Variants in ZMAT5 observed in about 807,000 individuals in gnomAD.
ZMAT5 encodes zinc finger matrin-type 5, also known as zinc finger matrin-type protein 5.
Under a neutral mutation model 28.0 loss-of-function variants are expected in ZMAT5, and 23 were observed. That is an observed-to-expected ratio of 0.82 (90% CI 0.59 to 1.16). The LOEUF is 1.16. Among genes scored for constraint, ZMAT5 ranks in the 50% most tolerant of loss-of-function variants. ZMAT5 has a pLI of 0.00. For missense variants in ZMAT5, 173 were observed against 212.7 expected (o/e 0.81, Z 1.16); for synonymous variants, 76 against 84.1 (o/e 0.90, Z 0.52).
intron 1 of ZMAT5, among the ~76,000 whole-genome samples, chr22:29,756,077 G>A (rs546958943): frequency 1.3e-5 from 2 of 152,400 alleles, no homozygotes; most frequent in East Asian, 3.9e-4. Context: ...CAACAGCTCG[G>A]CCTTTGGCCA....
At position 29,742,485 on chromosome 22, in the gene ZMAT5, G is replaced by A. The variant is rs767312637; in HGVS notation, c.128-5C>T. ...CCAGCAAGATGGCAGCTGCATCTGC[G>A]AGAGAAGAGAGGGACGGGATTCGGA... On this transcript the variant is annotated splice_region_variant and splice_polypyrimidine_tract_variant and intron_variant, in intron 2 of 5. Coordinates refer to ENST00000344318, the MANE Select transcript of ZMAT5 (RefSeq NM_001003692.2). 3.7e-6 allele frequency: 6 copies of A among 1,612,040 alleles called. No individual in the cohort carries two copies. Among genetic ancestry groups the A allele is most frequent in the East Asian group, 2.2e-5 (1 of 44,888 alleles).
intron 1 of ZMAT5, among the ~76,000 whole-genome samples, chr22:29,766,395 A>G (rs1329525302): frequency 2.6e-5 from 4 of 152,178 alleles, no homozygotes; most frequent in Non-Finnish European, 2.9e-5. Context: ...CTGCCTCTCC[A>G]GTCAACCAAA....
intron 1 of ZMAT5, among the ~76,000 whole-genome samples, chr22:29,760,501 T>G (rs1413836013): frequency 6.6e-6 from 1 of 152,114 alleles, no homozygotes; most frequent in Non-Finnish European, 1.5e-5. Flanking sequence ...ATTGTGCCAC[T>G]GTATTCCAGC....
rs1011260554 is a variant in ZMAT5, at chr22:29,752,936, T to A, written c.-27-4365A>T. Among the ~76,000 whole-genome samples, 10 of 152,132 alleles carry A rather than the reference T, an allele frequency of 6.6e-5. No individual in the cohort carries two copies. The South Asian group carries it at 8.3e-4, about 13-fold the overall frequency. ...ACAGTCCCTCTGGGACGGGAAAGCA[T>A]GCTCACTGAGCACCACCTGGGCAGG... On this transcript the variant is annotated intron_variant, in intron 1 of 5. Coordinates refer to ENST00000344318, the MANE Select transcript of ZMAT5 (RefSeq NM_001003692.2).
chr22:29,744,595 G>A (rs1569337111), intron 2 of ZMAT5, among the ~76,000 whole-genome samples: 1 of 152,146 alleles, frequency 6.6e-6, no homozygotes, highest in Non-Finnish European at 1.5e-5. Flanking sequence ...CCCCAAGGCT[G>A]GGATGACTGA....
At position 29,733,282 on chromosome 22, in the gene ZMAT5, T is replaced by C. The variant is rs549198201; in HGVS notation, c.384-1928A>G. 4.1e-4 allele frequency among the ~76,000 whole-genome samples: 63 copies of C among 152,296 alleles called. 1 individual carries two copies. In the South Asian group the frequency reaches 5.8e-3, roughly 14 times the overall value. On this transcript the variant is annotated intron_variant, in intron 5 of 5. Transcript: ENST00000344318. ...CTCAGGGGCCCAGTGGCCAGCCCTCTGCAGAGAGAGAAGGGCTTGGGCCTG... is the reference window on the plus strand; with the variant it reads ...CTCAGGGGCCCAGTGGCCAGCCCTCCGCAGAGAGAGAAGGGCTTGGGCCTG...
chr22:29,738,600 C>A (rs1470075008), intron 4 of ZMAT5, among the ~76,000 whole-genome samples, 159 bp from the exon 5 acceptor site: 1 of 152,134 alleles, frequency 6.6e-6, no homozygotes, highest in Non-Finnish European at 1.5e-5. Context: ...TCCAGGCCAT[C>A]TGTGCACGAG....
At chr22:29,763,029 A>T (rs575014595) in intron 1 of ZMAT5, among the ~76,000 whole-genome samples, 171 of 152,140 alleles carry the variant, frequency 1.1e-3, no homozygotes, top group African/African-American at 3.7e-3. Flanking sequence ...CTACAAAAAA[A>T]TTTTTTTAAA....
intron 5 of ZMAT5, among the ~76,000 whole-genome samples, chr22:29,738,071 A>G (rs35398643): frequency 0.094 from 14,344 of 152,010 alleles, 1,056 homozygotes; most frequent in South Asian, 0.26. Context: ...CAGCCAAATC[A>G]GCTCTGCCGC....
chr22:29,738,065 C>T (rs1471837985), intron 5 of ZMAT5, among the ~76,000 whole-genome samples: 1 of 152,164 alleles, frequency 6.6e-6, no homozygotes, highest in Non-Finnish European at 1.5e-5. Flanking sequence ...GACTTGCAGC[C>T]AAATCAGCTC....
intron 1 of ZMAT5, among the ~76,000 whole-genome samples, chr22:29,761,269 CAAAA>C (rs131283): frequency 5.0e-5 from 3 of 59,526 alleles, no homozygotes; most frequent in Admixed American, 2.4e-4. Context: ...AACTCCGTCT[CAAAA>C]AAAAAAAAAA....
At chr22:29,732,348 G>C (rs1157121101) in intron 5 of ZMAT5, among the ~76,000 whole-genome samples, 1 of 152,234 alleles carries the variant, frequency 6.6e-6, no homozygotes, top group Non-Finnish European at 1.5e-5. Context: ...TGAGCCCAAG[G>C]AAATAGCAGG....
At chr22:29,737,544 G>T (rs1433499899) in intron 5 of ZMAT5, among the ~76,000 whole-genome samples, 5 of 152,180 alleles carry the variant, frequency 3.3e-5, no homozygotes, top group African/African-American at 1.2e-4. Context: ...TGCAAGATGG[G>T]GAAAGCAAGG....
intron 3 of ZMAT5, among the ~76,000 whole-genome samples, 162 bp from the exon 4 acceptor site, chr22:29,740,892 C>T (rs2067956215): frequency 1.3e-5 from 2 of 152,142 alleles, no homozygotes; most frequent in Admixed American, 1.3e-4. Flanking sequence ...CCGGCCCTGC[C>T]CATTCAGCAG....
Position 29,745,261 on chromosome 22 carries a change from T to C in ZMAT5, c.128-2781A>G, listed in dbSNP as rs567696160. On this transcript the variant is annotated intron_variant, in intron 2 of 5. Coordinates refer to ENST00000344318, the MANE Select transcript of ZMAT5 (RefSeq NM_001003692.2). ...TGAGTTCTGAGGTGGTGGGGGGGCC[T>C]GGCTTGGGGCAGGGAGGACAGCAGG... Among the ~76,000 whole-genome samples, 1,122 of 152,160 alleles carry C rather than the reference T, an allele frequency of 7.4e-3. 12 individuals carry two copies. Among genetic ancestry groups the C allele is most frequent in the African/African-American group, 0.026 (1,066 of 41,518 alleles).
At chr22:29,732,299 A>G (rs879822116) in intron 5 of ZMAT5, among the ~76,000 whole-genome samples, 2 of 152,242 alleles carry the variant, frequency 1.3e-5, no homozygotes, top group African/African-American at 2.4e-5. Context: ...CCTCAAAAAC[A>G]TGCAGACCCT....
intron 1 of ZMAT5, among the ~76,000 whole-genome samples, chr22:29,763,867 AC>A (rs2068183065): frequency 2.0e-5 from 3 of 152,076 alleles, no homozygotes; most frequent in African/African-American, 4.8e-5. Context: ...TGGGAGTACC[AC>A]TTGAGCCCAG....
chr22:29,756,753 T>A lies in ZMAT5; in HGVS notation c.-27-8182A>T, dbSNP rs187574753. ...GTTAGACCCCATCTCCACAAAAAAA[T>A]TTTTTTTAATTTGACCAGGCATGGT... On this transcript the variant is annotated intron_variant, in intron 1 of 5. Transcript: ENST00000344318. Among the ~76,000 whole-genome samples the A allele has an allele frequency of 1.4e-3, 207 of 151,432 alleles. 9 individuals are homozygous for A. The East Asian group carries it at 0.036, about 26-fold the overall frequency.
At chr22:29,732,891 A>C (rs143765978) in intron 5 of ZMAT5, among the ~76,000 whole-genome samples, 1 of 152,264 alleles carries the variant, frequency 6.6e-6, no homozygotes, top group Non-Finnish European at 1.5e-5. Flanking sequence ...GATAGGGGTA[A>C]GGTGTATTTG....
Sources: gnomAD v4.1 joint callset for allele counts (sites outside exome capture counted in the v4.1 genomes callset) on GRCh38, gnomAD v4.1.1 for gene constraint, MANE v1.5 for transcripts, NCBI Gene and HGNC (gene_info 2026-07-23, HGNC 2026-07-21) for gene names.